The following ZNF124 variants were observed in gnomAD, a reference collection of about 807,000 sequenced individuals.
ZNF124 encodes the protein zinc finger protein 124.
In ZNF124, 25 loss-of-function variants were observed where a neutral mutation model predicts 26.6. That is an observed-to-expected ratio of 0.94 (90% CI 0.68 to 1.31). The LOEUF (loss-of-function observed/expected upper bound fraction) is 1.31, where lower values mean the gene tolerates loss of function less well. Ranked by LOEUF, ZNF124 falls within the 40% of genes most tolerant of loss-of-function variation. ZNF124 has a pLI of 0.00. For synonymous variants in ZNF124, 129 were observed against 133.3 expected (o/e 0.97, Z 0.22); for missense variants, 444 against 422.2 (o/e 1.05, Z -0.45).
chr1:247,169,253 C>G (rs1572105039), intron 1 of ZNF124, among the ~76,000 whole-genome samples: 1 of 152,232 alleles, frequency 6.6e-6, no homozygotes, highest in South Asian at 2.1e-4. Context: ...AAGACCATCT[C>G]TCAAGCAGGA....
intron 1 of ZNF124, among the ~76,000 whole-genome samples, chr1:247,161,401 T>C (rs1176760167): frequency 6.6e-6 from 1 of 152,142 alleles, no homozygotes; most frequent in East Asian, 1.9e-4. Flanking sequence ...TGACCTCTAT[T>C]AGTTGGACAA....
At chr1:247,135,048 A>G (rs1356588073) in intron 3 of ZNF124, among the ~76,000 whole-genome samples, 2 of 152,238 alleles carry the variant, frequency 1.3e-5, no homozygotes, top group East Asian at 1.9e-4. Context: ...TTTGAAACCA[A>G]TGAGAACAAA....
chr1:247,138,553 C>T (rs993957273), intron 3 of ZNF124: 9 of 380,130 alleles, frequency 2.4e-5, no homozygotes, highest in African/African-American at 1.2e-4. Context: ...ATGTAACAAA[C>T]TCACATGTTC....
At chr1:247,144,783 T>TC (rs1409162279) in intron 3 of ZNF124, among the ~76,000 whole-genome samples, 3 of 151,296 alleles carry the variant, frequency 2.0e-5, no homozygotes, top group Non-Finnish European at 3.0e-5. Context: ...TTTCTTTCTT[T>TC]TTTTTTTTTT....
chr1:247,122,708 C>G (rs988206784), exon 4 of ZNF124: 1 of 152,214 alleles, frequency 6.6e-6, no homozygotes, highest in African/African-American at 2.4e-5. Context: ...ATGCCTAGCC[C>G]TGGGAGTTTT....
intron 3 of ZNF124, among the ~76,000 whole-genome samples, chr1:247,137,448 C>T (rs1486865617): frequency 7.6e-6 from 1 of 132,262 alleles, no homozygotes; most frequent in African/African-American, 2.9e-5. Context: ...TCGAGATCAG[C>T]CTGGCCAACA....
rs531992550 is a variant in ZNF124 at position 247,163,243 on chromosome 1, TA to T, written c.31-3431del. On this transcript the variant is annotated intron_variant, in intron 1 of 3. Transcript: ENST00000543802. Reference sequence around the variant, plus strand: ...AACCTAACATTACACTTAGAGGAACTAAAGAAACAAGAGCAGACCAACCCCA... The same window carrying T: ...AACCTAACATTACACTTAGAGGAACTAAGAAACAAGAGCAGACCAACCCCA... Among the ~76,000 whole-genome samples the T allele has an allele frequency of 6.4e-4, 97 of 150,496 alleles. 1 individual carries two copies. The highest frequency in any genetic ancestry group is 1.2e-3 in the Non-Finnish European group (83 of 67,584).
At chr1:247,154,718 GC>G (rs1382922478), downstream of ZNF124, among the ~76,000 whole-genome samples, 3 of 152,094 alleles carry the variant, frequency 2.0e-5, no homozygotes, top group Non-Finnish European at 1.5e-5. Flanking sequence ...AGTCAATTTG[GC>G]TGGGCACAGT....
At chr1:247,136,254 A>T (rs940650990) in intron 3 of ZNF124, among the ~76,000 whole-genome samples, 2 of 152,204 alleles carry the variant, frequency 1.3e-5, no homozygotes, top group East Asian at 3.8e-4. Flanking sequence ...AAACCCCATC[A>T]TCTCAGCCCC....
chr1:247,148,380 C>T (rs1194281716), intron 3 of ZNF124, among the ~76,000 whole-genome samples: 7 of 152,148 alleles, frequency 4.6e-5, no homozygotes, highest in East Asian at 3.8e-4. Flanking sequence ...CAGAATCAAT[C>T]GCATCATCAC....
chr1:247,146,326 A>T (rs2103109647), intron 3 of ZNF124, among the ~76,000 whole-genome samples: 1 of 152,222 alleles, frequency 6.6e-6, no homozygotes, highest in East Asian at 1.9e-4. Flanking sequence ...TGCCAGTCCA[A>T]TTTCCTTCTA....
intron 3 of ZNF124, among the ~76,000 whole-genome samples, chr1:247,125,428 GTCT>G (rs1672188054): frequency 7.8e-5 from 3 of 38,386 alleles, no homozygotes; most frequent in Non-Finnish European, 1.7e-4. Context: ...ACCTGTTTTT[GTCT>G]TTTTTTTTTT....
chr1:247,145,477 G>A (rs1220395597), intron 3 of ZNF124, among the ~76,000 whole-genome samples: 1 of 152,008 alleles, frequency 6.6e-6, no homozygotes, highest in African/African-American at 2.4e-5. Context: ...GAACGGTCGG[G>A]GGCCTCCCAC....
At position 247,159,670 on chromosome 1, in the gene ZNF124, A is replaced by C. The variant is rs201646718; in HGVS notation, c.157+17T>G. On this transcript the variant is annotated intron_variant, in intron 2 of 3. Transcript: ENST00000543802. ...TACTTTCTGATTGACTAAGTGAAGA[A>C]ATATTGTGATTCTTACCTATGGAAG... 1.2e-4 allele frequency: 185 copies of C among 1,606,852 alleles called. 1 individual carries two copies. In the Middle Eastern group the frequency reaches 1.7e-3, roughly 14 times the overall value.
In ZNF124 at chr1:247,125,430, C is replaced by CTTTTTTTTTTTTT. The variant is rs71566695; in HGVS notation, c.219-1572_219-1560dup. On this transcript the variant is annotated intron_variant, in intron 3 of 3. Coordinates refer to the ZNF124 transcript ENST00000472531. Reference sequence around the variant, plus strand: ...TATCTTCACCGACACCTGTTTTTGTCTTTTTTTTTTTTTTTTTTTTTTTTT... The same window carrying CTTTTTTTTTTTTT: ...TATCTTCACCGACACCTGTTTTTGTCTTTTTTTTTTTTTTTTTTTTTTTTTTTTTTTTTTTTTT... Among the ~76,000 whole-genome samples, 96 of 43,298 alleles carry CTTTTTTTTTTTTT rather than the reference C, an allele frequency of 2.2e-3. 13 individuals are homozygous for CTTTTTTTTTTTTT. The highest frequency in any genetic ancestry group is 3.4e-3 in the South Asian group (2 of 596). The allele number at this position is 43,298 out of a possible 152,430, so 28.4% of individuals were successfully genotyped here. A position where few individuals can be genotyped will look rare whatever the true frequency, so the allele number is the denominator to read the frequency against.
At chr1:247,138,311 G>A (rs1672537023) in intron 3 of ZNF124, 1 of 154,556 alleles carries the variant, frequency 6.5e-6, no homozygotes, top group Non-Finnish European at 1.4e-5. Flanking sequence ...ATGAGATCAT[G>A]TGCTTTGCAG....
At position 247,156,519 on chromosome 1, in the gene ZNF124, T is replaced by C; in HGVS notation, c.*47A>G. The C allele has an allele frequency of 6.7e-7, 1 of 1,489,214 alleles. No homozygotes were observed. The highest frequency in any genetic ancestry group is 2.5e-5 in the Admixed American group (1 of 40,076). 92.3% of individuals were successfully genotyped at this position (1,489,214 alleles called of 1,614,324 possible). A position where few individuals can be genotyped will look rare whatever the true frequency, so the allele number is the denominator to read the frequency against. On this transcript the variant is annotated 3_prime_UTR_variant, in exon 4 of 4. Transcript: ENST00000543802. ...CCTTACATTCACAGTTTCTCTCAAG[T>C]ATGTGACTGTTCATGTTTTTGACAA...
intron 3 of ZNF124, among the ~76,000 whole-genome samples, chr1:247,131,890 TC>T (rs1398070249): frequency 6.6e-6 from 1 of 152,070 alleles, no homozygotes; most frequent in Non-Finnish European, 1.5e-5. Flanking sequence ...TGAGTGGGTT[TC>T]CCCCCAGTGA....
chr1:247,158,918 C>G, intron 3 of ZNF124, 88 bp downstream of exon 3: 1 of 1,252,122 alleles, frequency 8.0e-7, no homozygotes, highest in Admixed American at 2.2e-5. Context: ...TGTGAGCCAC[C>G]ATGCCTGGCC....
Sources: gnomAD v4.1 joint callset for allele counts (sites outside exome capture counted in the v4.1 genomes callset) on GRCh38, gnomAD v4.1.1 for gene constraint, MANE v1.5 for transcripts, NCBI Gene and HGNC (gene_info 2026-07-23, HGNC 2026-07-21) for gene names.